The following RCC2 variants were observed in gnomAD, a reference collection of about 807,000 sequenced individuals.
RCC2 encodes regulator of chromosome condensation 2, also known as protein RCC2.
Under a neutral mutation model 64.1 loss-of-function variants are expected in RCC2, and 19 were observed. The observed-to-expected ratio is 0.30, with a 90% CI of 0.21 to 0.44. RCC2 has a LOEUF of 0.44. Among genes scored for constraint, RCC2 ranks in the 20% least tolerant of loss-of-function variants. The pLI, the probability that RCC2 is intolerant of heterozygous loss-of-function variation, is 1.00. For missense variants in RCC2, 508 were observed against 710.4 expected, an observed-to-expected ratio of 0.72 and a Z score of 3.24; for synonymous variants, 325 against 279.6, an observed-to-expected ratio of 1.16 and a Z score of -1.62.
Position 17,428,297 on chromosome 1 carries a change from C to CT in RCC2, c.379+808dup, listed in dbSNP as rs535580979. ...AGCCACCATGTGGACGTGGCCCCCT[C>CT]TGGCTTGGGCCTGAAGGCTGGGCAT... On this transcript the variant is annotated intron_variant, in intron 3 of 12. Coordinates refer to ENST00000375436, the MANE Select transcript of RCC2 (RefSeq NM_018715.4). Among the ~76,000 whole-genome samples, 118 of 152,402 alleles carry CT rather than the reference C, an allele frequency of 7.7e-4. 1 individual carries two copies. Among genetic ancestry groups the CT allele is most frequent in the African/African-American group, 2.7e-3 (114 of 41,596 alleles).
chr1:17,423,452 A>C (rs1354535906), intron 4 of RCC2, among the ~76,000 whole-genome samples: 2 of 152,044 alleles, frequency 1.3e-5, no homozygotes, highest in African/African-American at 4.8e-5. Context: ...TCAACACAAC[A>C]CGCCCAGCCC....
chr1:17,417,369 A>C (rs186547388), intron 7 of RCC2, among the ~76,000 whole-genome samples: 1 of 152,282 alleles, frequency 6.6e-6, no homozygotes, highest in Admixed American at 6.5e-5. Context: ...CTGTTCCCAC[A>C]CTGTGATCAT....
chr1:17,438,064 T>C (rs2075759023), intron 2 of RCC2, among the ~76,000 whole-genome samples, 166 bp downstream of exon 2: 1 of 145,462 alleles, frequency 6.9e-6, no homozygotes, highest in Admixed American at 6.8e-5. Flanking sequence ...AGCCCTTTTG[T>C]TGCGCGGAGG....
chr1:17,412,589 C>T (rs777269760), intron 10 of RCC2, among the ~76,000 whole-genome samples: 6 of 152,198 alleles, frequency 3.9e-5, no homozygotes, highest in Admixed American at 3.9e-4. Context: ...ATTAAAGCCA[C>T]GCCGACAGAG....
chr1:17,409,905 A>C (rs2075406311), intron 12 of RCC2, 69 bp downstream of exon 12: 1 of 1,349,136 alleles, frequency 7.4e-7, no homozygotes, highest in Non-Finnish European at 1.1e-6. Context: ...GCGATGATCA[A>C]AATCATGAGG....
intron 4 of RCC2, among the ~76,000 whole-genome samples, chr1:17,424,828 G>T (rs1215319203): frequency 1.3e-5 from 2 of 152,304 alleles, no homozygotes; most frequent in East Asian, 3.9e-4. Context: ...CATACCCTAT[G>T]ATTGGAATGA....
At chr1:17,437,259 GA>G (rs1000911386) in intron 2 of RCC2, among the ~76,000 whole-genome samples, 2 of 152,070 alleles carry the variant, frequency 1.3e-5, no homozygotes, top group African/African-American at 2.4e-5. Context: ...CTTATGGAAG[GA>G]AAAAAACCTC....
At position 17,431,333 on chromosome 1, in the gene RCC2, C is replaced by CAAAAAAAAATAAAAAATA. The variant is rs1553158435; in HGVS notation, c.286-2135_286-2134insTATTTTTTATTTTTTTTT. ...TGGGCGACTGAGCAAGACTCCATCT[C>CAAAAAAAAATAAAAAATA]AAAAAAAAAAAAAAAAAAAAAAAAA... On this transcript the variant is annotated intron_variant, in intron 2 of 12. Transcript: ENST00000375436. Among the ~76,000 whole-genome samples the CAAAAAAAAATAAAAAATA allele has an allele frequency of 3.1e-4, 3 of 9,660 alleles. 1 individual carries two copies. The highest frequency in any genetic ancestry group is 6.1e-4 in the Non-Finnish European group (3 of 4,890). 6.3% of individuals were successfully genotyped at this position (9,660 alleles called of 152,430 possible).
At chr1:17,432,841 C>T (rs80146490) in intron 2 of RCC2, among the ~76,000 whole-genome samples, 2 of 152,130 alleles carry the variant, frequency 1.3e-5, no homozygotes, top group Non-Finnish European at 1.5e-5. Context: ...GCCTGTAGTC[C>T]CGGCTACTCG....
intron 8 of RCC2, 38 bp from the exon 9 acceptor site, chr1:17,413,755 C>T (rs1032990976): frequency 1.9e-6 from 3 of 1,568,772 alleles, no homozygotes; most frequent in Non-Finnish European, 2.6e-6. Flanking sequence ...AACAAACAGA[C>T]TTCCAACAGG....
chr1:17,437,164 G>A (rs2075743363), intron 2 of RCC2, among the ~76,000 whole-genome samples: 1 of 152,196 alleles, frequency 6.6e-6, no homozygotes, highest in South Asian at 2.1e-4. Context: ...AACGGACGTA[G>A]AAAATGTGTT....
chr1:17,432,933 G>C (rs973202118), intron 2 of RCC2, among the ~76,000 whole-genome samples: 4 of 151,956 alleles, frequency 2.6e-5, no homozygotes, highest in Non-Finnish European at 5.9e-5. Flanking sequence ...ACTCCAGACT[G>C]GGCGAAAGAG....
At chr1:17,428,193 G>A (rs1420148289) in intron 3 of RCC2, among the ~76,000 whole-genome samples, 1 of 152,218 alleles carries the variant, frequency 6.6e-6, no homozygotes, top group African/African-American at 2.4e-5. Context: ...ATGCAACACG[G>A]GCACAGGACT....
chr1:17,420,194 C>G (rs962428898), intron 7 of RCC2, among the ~76,000 whole-genome samples: 1 of 152,166 alleles, frequency 6.6e-6, no homozygotes, highest in African/African-American at 2.4e-5. Context: ...AGAACTGATG[C>G]CTGAATTCTC....
At chr1:17,426,939 A>G (rs1156345347) in intron 3 of RCC2, among the ~76,000 whole-genome samples, 2 of 151,580 alleles carry the variant, frequency 1.3e-5, no homozygotes, top group Non-Finnish European at 2.9e-5. Flanking sequence ...ATTTTTGTAT[A>G]TTTAGTAGAG....
At chr1:17,421,499 CA>C (rs535318541) in intron 6 of RCC2, among the ~76,000 whole-genome samples, 95 of 141,444 alleles carry the variant, frequency 6.7e-4, no homozygotes, top group Middle Eastern at 4.1e-3. Context: ...GTCTCCCCTC[CA>C]AAAAAAAAAG....
intron 3 of RCC2, among the ~76,000 whole-genome samples, chr1:17,426,201 G>A (rs535941414): frequency 9.2e-5 from 14 of 151,976 alleles, no homozygotes; most frequent in South Asian, 2.1e-4. Context: ...CTCCATCTCC[G>A]GCCTTCACCC....
At chr1:17,438,557 A>G in intron 1 of RCC2, 35 bp from the exon 2 acceptor site, 1 of 1,298,350 alleles carries the variant, frequency 7.7e-7, no homozygotes. Context: ...CGCACAATGG[A>G]CGGGTTATAA....
At chr1:17,420,355 C>T (rs903966183) in intron 7 of RCC2, among the ~76,000 whole-genome samples, 31 of 152,146 alleles carry the variant, frequency 2.0e-4, no homozygotes, top group African/African-American at 6.3e-4. Context: ...GTTCATTTTC[C>T]GTAATTTTCT....
Sources: allele counts gnomAD v4.1 joint callset (sites outside exome capture counted in the v4.1 genomes callset), GRCh38; gene constraint gnomAD v4.1.1; transcripts MANE v1.5; gene names NCBI Gene and HGNC (gene_info 2026-07-23, HGNC 2026-07-21).